Variants in DMD observed in about 807,000 individuals in gnomAD.
DMD encodes the protein mutant dystrophin.
A neutral mutation model predicts 330.1 loss-of-function variants in DMD; 63 were observed. The ratio of observed to expected loss-of-function variants is 0.19; its 90% CI spans 0.16 to 0.24. The LOEUF is 0.24. Ranked by LOEUF, DMD falls within the 10% of genes least tolerant of loss-of-function variation. The pLI, the probability that DMD is intolerant of heterozygous loss-of-function variation, is 1.00. For synonymous variants in DMD, 1,223 were observed against 959.8 expected (o/e 1.27, Z -5.07); for missense variants, 3,344 against 2,684.1 (o/e 1.25, Z -5.43).
intron 1 of DMD, among the ~76,000 whole-genome samples, chrX:33,277,432 C>T (rs1181241928): frequency 9.0e-6 from 1 of 111,058 alleles, no homozygotes; most frequent in Non-Finnish European, 1.9e-5. Context: ...GTGAATTTTA[C>T]CTCAATTTAA....
At position 31,396,219 on chromosome X, in the gene DMD, G is replaced by A. The variant is rs193292138; in HGVS notation, c.9085-47585C>T. Among the ~76,000 whole-genome samples the A allele has an allele frequency of 2.3e-3, 247 of 106,070 alleles. 1 individual carries two copies. Among genetic ancestry groups the A allele is most frequent in the African/African-American group, 7.9e-3 (229 of 28,944 alleles). 92.1% of individuals were successfully genotyped at this position (106,070 alleles called of 115,157 possible). On this transcript the variant is annotated intron_variant, in intron 60 of 78. Coordinates refer to ENST00000357033, the MANE Select transcript of DMD (RefSeq NM_004006.3). ...GTGGCGCGATCTCGGCTCACTGCAA[G>A]CTCCGCCTCCCGGGTTCACGCCATT...
intron 34 of DMD, among the ~76,000 whole-genome samples, chrX:32,373,043 G>A (rs189375210): frequency 9.3e-4 from 102 of 109,578 alleles, no homozygotes; most frequent in African/African-American, 3.3e-3. Flanking sequence ...TTTCTCTGTG[G>A]GATCATTAAG....
intron 2 of DMD, among the ~76,000 whole-genome samples, chrX:32,950,020 A>AT (rs750480554): frequency 1.6e-3 from 110 of 67,859 alleles, no homozygotes; most frequent in Middle Eastern, 7.0e-3. Context: ...ATGGACTGGT[A>AT]TTGCTAGTAG....
At chrX:32,256,852 C>A (rs1010358195) in intron 43 of DMD, among the ~76,000 whole-genome samples, 18 of 111,730 alleles carry the variant, frequency 1.6e-4, no homozygotes, top group African/African-American at 5.9e-4. Flanking sequence ...CCACTCTCTT[C>A]TAGCTTGTAG....
At chrX:33,188,715 C>T (rs770225256) in intron 1 of DMD, among the ~76,000 whole-genome samples, 5 of 112,056 alleles carry the variant, frequency 4.5e-5, no homozygotes, top group Non-Finnish European at 9.4e-5. Context: ...TTCCCAAATT[C>T]GTCTGTTGAA....
intron 44 of DMD, among the ~76,000 whole-genome samples, chrX:32,143,645 C>A (rs975381047): frequency 3.7e-5 from 4 of 109,184 alleles, no homozygotes; most frequent in Non-Finnish European, 7.6e-5. Context: ...CGGGTTCACG[C>A]CATTCTCCTG....
At chrX:32,528,861 C>T (rs2047171487) in intron 17 of DMD, among the ~76,000 whole-genome samples, 1 of 105,669 alleles carries the variant, frequency 9.5e-6, no homozygotes, top group Non-Finnish European at 1.9e-5. Flanking sequence ...AAGCCCCCAC[C>T]CCCACCCAGT....
intron 74 of DMD, among the ~76,000 whole-genome samples, chrX:31,161,804 C>T (rs780042011): frequency 5.4e-5 from 6 of 111,626 alleles, no homozygotes; most frequent in African/African-American, 2.0e-4. Context: ...AAAAAGCCAT[C>T]ACTGTTCACC....
At chrX:32,804,440 C>A (rs975349388) in intron 7 of DMD, among the ~76,000 whole-genome samples, 5 of 112,541 alleles carry the variant, frequency 4.4e-5, no homozygotes, top group Admixed American at 9.4e-5. Context: ...CCTCTCTGGG[C>A]AGGGCATCTC....
intron 44 of DMD, among the ~76,000 whole-genome samples, chrX:31,985,261 A>C (rs2095501555): frequency 8.9e-6 from 1 of 112,135 alleles, no homozygotes; most frequent in African/African-American, 3.2e-5. Flanking sequence ...AGAGCCAGAA[A>C]CAAAACGTCT....
At chrX:32,380,904 C>A (rs1603632123) in intron 33 of DMD, among the ~76,000 whole-genome samples, 1 of 109,997 alleles carries the variant, frequency 9.1e-6, no homozygotes, top group African/African-American at 3.3e-5. Context: ...TCTTGTATGT[C>A]GTCATGGTAG....
At chrX:33,110,158 C>T (rs2095328701) in intron 1 of DMD, among the ~76,000 whole-genome samples, 1 of 110,473 alleles carries the variant, frequency 9.1e-6, no homozygotes, top group Admixed American at 9.8e-5. Context: ...ATTTCCTCTT[C>T]AGTCCTTTGG....
chrX:32,538,187 T>C (rs925042845), intron 17 of DMD, among the ~76,000 whole-genome samples: 9 of 112,372 alleles, frequency 8.0e-5, no homozygotes, highest in Admixed American at 5.6e-4. Flanking sequence ...AGCTAAGCCA[T>C]CCTTTCCCCT....
Position 33,009,153 on chromosome X carries a change from CGTATATATGTATATATATGTGTATAT to C in DMD, c.93+10960_93+10985del, listed in dbSNP as rs2093502707. On this transcript the variant is annotated intron_variant, in intron 2 of 78. Transcript: ENST00000357033. ...ATATGTATATATATGTGTATATATA[CGTATATATGTATATATATGTGTATAT>C]ATACGTATATATGTATATATGTGTA... Among the ~76,000 whole-genome samples the C allele has an allele frequency of 2.1e-4, 4 of 18,891 alleles. 2 individuals are homozygous for C. Among genetic ancestry groups the C allele is most frequent in the African/African-American group, 9.6e-4 (4 of 4,176 alleles). 16.4% of individuals were successfully genotyped at this position (18,891 alleles called of 115,157 possible). A position where few individuals can be genotyped will look rare whatever the true frequency, so the allele number is the denominator to read the frequency against.
At chrX:31,476,397 GTA>G (rs373498710) in intron 59 of DMD, among the ~76,000 whole-genome samples, 3,202 of 88,100 alleles carry the variant, frequency 0.036, 58 homozygotes, top group African/African-American at 0.068. Context: ...GTGTGTGTGT[GTA>G]TATATATATA....
intron 3 of DMD, among the ~76,000 whole-genome samples, chrX:32,845,934 C>T (rs768116721): frequency 8.9e-6 from 1 of 112,226 alleles, no homozygotes; most frequent in Admixed American, 9.5e-5. Flanking sequence ...TTCTTCTCTG[C>T]ATTTGAGGTC....
intron 12 of DMD, 130 bp downstream of exon 12, chrX:32,614,173 A>G: frequency 1.4e-6 from 1 of 711,234 alleles, no homozygotes; most frequent in South Asian, 3.0e-5. Context: ...GGTAAAAATA[A>G]TTTTTAAAAT....
intron 63 of DMD, among the ~76,000 whole-genome samples, chrX:31,227,482 T>A (rs2046729965): frequency 1.8e-5 from 2 of 111,519 alleles, no homozygotes; most frequent in Non-Finnish European, 3.8e-5. Flanking sequence ...CGCACCAAAG[T>A]CCAATCCATT....
intron 59 of DMD, among the ~76,000 whole-genome samples, chrX:31,455,068 A>AT (rs751748322): frequency 5.6e-5 from 6 of 106,260 alleles, no homozygotes; most frequent in Non-Finnish European, 1.2e-4. Flanking sequence ...GATTACAAGC[A>AT]TGAGCCACCG....
Sources: gnomAD v4.1 joint callset for allele counts (sites outside exome capture counted in the v4.1 genomes callset) on GRCh38, gnomAD v4.1.1 for gene constraint, MANE v1.5 for transcripts, NCBI Gene and HGNC (gene_info 2026-07-23, HGNC 2026-07-21) for gene names.